The following DOCK10 variants were observed in gnomAD, a reference collection of about 807,000 sequenced individuals.
DOCK10 encodes the protein dedicator of cytokinesis protein 10.
In DOCK10, 145 loss-of-function variants were observed where a neutral mutation model predicts 280.1. The ratio of observed to expected loss-of-function variants is 0.52; its 90% CI spans 0.45 to 0.59. The LOEUF (loss-of-function observed/expected upper bound fraction) is 0.59. Among genes scored for constraint, DOCK10 ranks in the 20% least tolerant of loss-of-function variants. The pLI is 0.00. For synonymous variants in DOCK10, 915 were observed against 942.2 expected (o/e 0.97, Z 0.53); for missense variants, 2,368 against 2,651.7 (o/e 0.89, Z 2.35).
Position 224,916,722 on chromosome 2 carries a change from G to GTGC in DOCK10, c.303_305dup (p.Glu101_His102insGln), listed in dbSNP as rs760779773. The GTGC allele has an allele frequency of 1.2e-6, 2 of 1,610,976 alleles. No individual in the cohort carries two copies. The highest frequency in any genetic ancestry group is 1.7e-6 in the Non-Finnish European group (2 of 1,178,488). On this transcript the variant is annotated inframe_insertion, in exon 3 of 56. Coordinates refer to ENST00000258390, the MANE Select transcript of DOCK10 (RefSeq NM_014689.3). Reference sequence around the variant, plus strand: ...CCTTAACCAGTAAATTTTCTGCCTTGTGCTCTGCATCTTCAGGTACTGTTG... The same window carrying GTGC: ...CCTTAACCAGTAAATTTTCTGCCTTGTGCTGCTCTGCATCTTCAGGTACTGTTG...
chr2:224,779,540 G>T (rs1351508273), intron 50 of DOCK10, among the ~76,000 whole-genome samples: 1 of 152,088 alleles, frequency 6.6e-6, no homozygotes, highest in African/African-American at 2.4e-5. Flanking sequence ...ATAAGGAAAT[G>T]CCTTTTGAGG....
intron 31 of DOCK10, among the ~76,000 whole-genome samples, chr2:224,808,330 T>C (rs576318859): frequency 6.6e-6 from 1 of 152,144 alleles, no homozygotes; most frequent in Admixed American, 6.6e-5. Flanking sequence ...TTGAATTCCA[T>C]AATAACAGCA....
intron 31 of DOCK10, among the ~76,000 whole-genome samples, chr2:224,809,707 A>G (rs892022852): frequency 6.6e-6 from 1 of 152,144 alleles, no homozygotes; most frequent in Admixed American, 6.6e-5. Context: ...GTCAAATGAG[A>G]ACAAGTATTG....
intron 50 of DOCK10, chr2:224,784,707 A>C: frequency 7.8e-7 from 1 of 1,289,708 alleles, no homozygotes; most frequent in Non-Finnish European, 1.0e-6. Context: ...AGAGCATGCA[A>C]ATGGAGAGCG....
chr2:224,916,344 C>T (rs1701311620), intron 3 of DOCK10, among the ~76,000 whole-genome samples: 1 of 152,200 alleles, frequency 6.6e-6, no homozygotes, highest in African/African-American at 2.4e-5. Flanking sequence ...AGTTCGAGAG[C>T]AGCCTGGCCA....
chr2:224,831,760 A>G (rs1302095012), intron 26 of DOCK10, among the ~76,000 whole-genome samples: 1 of 152,160 alleles, frequency 6.6e-6, no homozygotes, highest in Non-Finnish European at 1.5e-5. Context: ...CCCTGCCGCA[A>G]ATAGCTCCTT....
chr2:224,985,651 G>A (rs950164044), intron 1 of DOCK10, among the ~76,000 whole-genome samples: 30 of 147,748 alleles, frequency 2.0e-4, no homozygotes, highest in Non-Finnish European at 3.3e-4. Context: ...AGAGAAAAAC[G>A]AATGAAGGGA....
intron 13 of DOCK10, 22 bp downstream of exon 13, chr2:224,864,531 T>C: frequency 6.5e-7 from 1 of 1,533,410 alleles, no homozygotes; most frequent in African/African-American, 1.4e-5. Context: ...GAAGTGAAGT[T>C]ATTTATAAGA....
chr2:224,935,921 C>T lies in DOCK10; in HGVS notation c.124-4253G>A, dbSNP rs538125923. ...GCACACATATAATCCAAGATTTATA[C>T]GAGGATGTCTTTGCAATATTATCTT... On this transcript the variant is annotated intron_variant, in intron 1 of 55. Transcript: ENST00000258390. Among the ~76,000 whole-genome samples, 376 of 152,212 alleles carry T rather than the reference C, an allele frequency of 2.5e-3. 2 individuals carry two copies. Among genetic ancestry groups the T allele is most frequent in the South Asian group, 0.01 (50 of 4,826 alleles).
At chr2:225,007,910 C>T (rs55763920) in intron 1 of DOCK10, among the ~76,000 whole-genome samples, 2,659 of 152,092 alleles carry the variant, frequency 0.017, 72 homozygotes, top group African/African-American at 0.061. Flanking sequence ...TGAGCATGAT[C>T]AGGGATATGC....
chr2:224,873,348 A>C (rs1051876352), intron 11 of DOCK10, among the ~76,000 whole-genome samples: 5 of 152,162 alleles, frequency 3.3e-5, no homozygotes, highest in African/African-American at 9.7e-5. Flanking sequence ...AGGTTGAGGC[A>C]GGCAGGTAGC....
Position 224,874,747 on chromosome 2 carries a change from C to T in DOCK10, c.936G>A (p.Ser312=), listed in dbSNP as rs61741507. 2.0e-3 allele frequency: 3,149 copies of T among 1,613,344 alleles called. 51 individuals carry two copies. In the African/African-American group the frequency reaches 0.036, roughly 18 times the overall value. ...ATTCACAAGTTACAGAATTATCCAGCGAATCTTAAAAAGATATACCAAGTC... is the reference window on the plus strand; with the variant it reads ...ATTCACAAGTTACAGAATTATCCAGTGAATCTTAAAAAGATATACCAAGTC... ...STELTDLGLD[S]LDNSVTCECT... The change falls in exon 9 of 56, where the codon TCG becomes TCA. Residue 312 remains serine, a synonymous_variant. Transcript: ENST00000258390.
At chr2:225,035,330 C>A (rs1400909341) in intron 1 of DOCK10, among the ~76,000 whole-genome samples, 1 of 151,738 alleles carries the variant, frequency 6.6e-6, no homozygotes. Context: ...AAGTCAAGAT[C>A]TTTAACTCTA....
Position 224,770,758 on chromosome 2 carries a change from G to A in DOCK10, c.6205-113C>T. On this transcript the variant is annotated intron_variant, in intron 53 of 55. Transcript: ENST00000258390. This position sits in a 1 kb window ranked among gnomAD's most constrained non-coding sequence, Gnocchi z 4.5. ...GTGTGGTACCCCCATCTCACACCCTGCCTTCTAGTCCACTCATTTGTATAC... is the reference window on the plus strand; with the variant it reads ...GTGTGGTACCCCCATCTCACACCCTACCTTCTAGTCCACTCATTTGTATAC... 1.4e-6 allele frequency: 1 copy of A among 720,938 alleles called. No individual in the cohort carries two copies. The highest frequency in any genetic ancestry group is 2.7e-4 in the Middle Eastern group (1 of 3,736). The allele number at this position is 720,938 out of a possible 1,614,324, so 44.7% of individuals were successfully genotyped here. A position where few individuals can be genotyped will look rare whatever the true frequency, so the allele number is the denominator to read the frequency against.
At chr2:224,842,594 T>C (rs368692082) in intron 22 of DOCK10, among the ~76,000 whole-genome samples, 1 of 152,100 alleles carries the variant, frequency 6.6e-6, no homozygotes, top group African/African-American at 2.4e-5. Context: ...TGTGTGCGCG[T>C]GTGTGTGTGT....
At chr2:224,816,896 C>T (rs556852416) in intron 29 of DOCK10, among the ~76,000 whole-genome samples, 183 bp from the exon 30 acceptor site, 1 of 152,298 alleles carries the variant, frequency 6.6e-6, no homozygotes, top group East Asian at 1.9e-4. Flanking sequence ...GTTAAGCTCC[C>T]TACTTTTGGA....
At chr2:224,980,681 T>C (rs528652193) in intron 1 of DOCK10, among the ~76,000 whole-genome samples, 11 of 152,224 alleles carry the variant, frequency 7.2e-5, no homozygotes, top group Non-Finnish European at 1.3e-4. Context: ...TTATCGGTTA[T>C]CATTATTTCC....
At chr2:225,009,157 C>T (rs372666070) in intron 1 of DOCK10, among the ~76,000 whole-genome samples, 6 of 152,072 alleles carry the variant, frequency 3.9e-5, no homozygotes, top group African/African-American at 1.2e-4. Flanking sequence ...AAACCAGGGT[C>T]GACGCCTAAG....
In DOCK10 at chr2:224,771,125, G is replaced by C. The variant is rs74903640; in HGVS notation, c.6205-480C>G. On this transcript the variant is annotated intron_variant, in intron 53 of 55. Transcript: ENST00000258390. The stretch of plus-strand genomic sequence containing the variant: ...TTTTAAAGAAAGTTTTTGTAGAGAC[G>C]GGGGAAGGGGGGCGGTCTCACTACA... 9.3e-3 allele frequency among the ~76,000 whole-genome samples: 1,419 copies of C among 151,864 alleles called. 19 individuals are homozygous for C. The highest frequency in any genetic ancestry group is 0.032 in the African/African-American group (1,332 of 41,402).
Sources: gnomAD v4.1 joint callset for allele counts (sites outside exome capture counted in the v4.1 genomes callset) on GRCh38, gnomAD v4.1.1 for gene constraint, Gnocchi (gnomAD v3.1) non-coding constraint, MANE v1.5 for transcripts, NCBI Gene and HGNC (gene_info 2026-07-23, HGNC 2026-07-21) for gene names.